The following FDFT1 variants were observed in gnomAD, a reference collection of about 807,000 sequenced individuals.
FDFT1 encodes farnesyl-diphosphate farnesyltransferase 1, also known as squalene synthase.
A neutral mutation model predicts 46.8 loss-of-function variants in FDFT1; 68 were observed. That is an observed-to-expected ratio of 1.45 (90% CI 1.19 to 1.78). FDFT1 has a LOEUF of 1.78. FDFT1 is among the 40% of genes most tolerant of loss of function. The pLI is 0.00. For synonymous variants in FDFT1, 351 were observed against 185.1 expected (o/e 1.90, Z -7.28); for missense variants, 928 against 524.4 (o/e 1.77, Z -7.52).
intron 7 of FDFT1, among the ~76,000 whole-genome samples, chr8:11,835,949 T>G (rs1435598471): frequency 7.9e-6 from 1 of 126,990 alleles, no homozygotes; most frequent in African/African-American, 2.9e-5. Context: ...GCCTGACTTA[T>G]GTGATGAAAC....
At chr8:11,821,642 A>C in intron 3 of FDFT1, 108 bp from the exon 4 acceptor site, 1 of 1,308,732 alleles carries the variant, frequency 7.6e-7, no homozygotes. Flanking sequence ...AGGCTTATAG[A>C]TGAACCATTG....
intron 5 of FDFT1, among the ~76,000 whole-genome samples, chr8:11,827,035 C>G (rs952791569): frequency 7.9e-5 from 12 of 152,214 alleles, no homozygotes; most frequent in African/African-American, 2.7e-4. Context: ...TTAATTAAAA[C>G]ATGGACAGGG....
chr8:11,814,317 T>G (rs79170406), intron 3 of FDFT1, among the ~76,000 whole-genome samples: 12 of 151,278 alleles, frequency 7.9e-5, no homozygotes, highest in South Asian at 4.2e-4. Flanking sequence ...TTTTTTTTTT[T>G]GGAGGGACAT....
At chr8:11,821,602 C>G in intron 3 of FDFT1, 148 bp from the exon 4 acceptor site, 2 of 944,394 alleles carry the variant, frequency 2.1e-6, no homozygotes, top group Non-Finnish European at 3.1e-6. Flanking sequence ...AAAACAAAAA[C>G]AAAAACAAAA....
At chr8:11,820,373 C>G (rs568769475) in intron 3 of FDFT1, among the ~76,000 whole-genome samples, 22 of 152,330 alleles carry the variant, frequency 1.4e-4, no homozygotes, top group Admixed American at 2.6e-4. Flanking sequence ...AACCACTGCT[C>G]TCTTCAGAGC....
At chr8:11,834,377 G>C (rs1005158475) in intron 7 of FDFT1, among the ~76,000 whole-genome samples, 2 of 152,184 alleles carry the variant, frequency 1.3e-5, no homozygotes, top group Non-Finnish European at 2.9e-5. Context: ...CAGCCAAACG[G>C]CCAGAAACCC....
intron 3 of FDFT1, among the ~76,000 whole-genome samples, chr8:11,814,578 T>G (rs1808182588): frequency 6.6e-6 from 1 of 152,204 alleles, no homozygotes; most frequent in Non-Finnish European, 1.5e-5. Flanking sequence ...TGTTTTTGTA[T>G]TGTATTTTGC....
chr8:11,809,445 C>G (rs1198771466), intron 2 of FDFT1: 6 of 1,273,218 alleles, frequency 4.7e-6, no homozygotes, highest in Non-Finnish European at 5.9e-6. Context: ...TGGTGACATT[C>G]AACTAGTAGG....
At chr8:11,817,802 A>G (rs1280416012) in intron 3 of FDFT1, among the ~76,000 whole-genome samples, 1 of 148,266 alleles carries the variant, frequency 6.7e-6, no homozygotes, top group African/African-American at 2.5e-5. Context: ...TTTTCAAAAA[A>G]CCAGCTCCTG....
chr8:11,836,484 C>T (rs906722453), intron 7 of FDFT1, among the ~76,000 whole-genome samples: 2 of 152,234 alleles, frequency 1.3e-5, no homozygotes, highest in Non-Finnish European at 2.9e-5. Context: ...CCTCTCTGCT[C>T]CTCAGGGCCA....
upstream of FDFT1, among the ~76,000 whole-genome samples, chr8:11,800,846 T>C (rs189553647): frequency 3.2e-4 from 49 of 152,346 alleles, no homozygotes; most frequent in African/African-American, 1.2e-3. Context: ...TATACCGTCA[T>C]GGCTGGAAAC....
intron 3 of FDFT1, among the ~76,000 whole-genome samples, chr8:11,820,166 G>A (rs1440419971): frequency 1.3e-5 from 2 of 152,196 alleles, no homozygotes; most frequent in African/African-American, 2.4e-5. Flanking sequence ...GGTATCACCA[G>A]TGGAGGCTGC....
upstream of FDFT1, among the ~76,000 whole-genome samples, chr8:11,799,742 T>C (rs1326269374): frequency 4.6e-5 from 7 of 151,184 alleles, no homozygotes; most frequent in African/African-American, 9.7e-5. Flanking sequence ...GGTCAAGAGA[T>C]TGAGACCATC....
chr8:11,814,384 T>C (rs1808157556), intron 3 of FDFT1, among the ~76,000 whole-genome samples: 1 of 151,764 alleles, frequency 6.6e-6, no homozygotes, highest in South Asian at 2.1e-4. Flanking sequence ...ATTCCTGGTA[T>C]GTTGCAATCA....
chr8:11,803,571 G>C, intron 1 of FDFT1: 1 of 921,628 alleles, frequency 1.1e-6, no homozygotes, highest in Non-Finnish European at 1.4e-6. Context: ...TGTACTATTT[G>C]TTTAATGAAT....
intron 7 of FDFT1, among the ~76,000 whole-genome samples, chr8:11,835,193 C>T (rs1015457531): frequency 9.2e-5 from 14 of 152,316 alleles, no homozygotes; most frequent in Middle Eastern, 3.4e-3. Context: ...ATGACCTGTC[C>T]TTGACAAGCA....
chr8:11,822,809 C>G (rs778650125), intron 4 of FDFT1, among the ~76,000 whole-genome samples: 2 of 152,034 alleles, frequency 1.3e-5, no homozygotes, highest in Admixed American at 6.6e-5. Flanking sequence ...GAGCAAGACA[C>G]CATCTGAAAG....
chr8:11,827,306 TCTG>T (rs1331172220), intron 5 of FDFT1, among the ~76,000 whole-genome samples: 1 of 152,056 alleles, frequency 6.6e-6, no homozygotes, highest in East Asian at 1.9e-4. Flanking sequence ...AGAAAATGAT[TCTG>T]CTGAAAGAGC....
At chr8:11,808,702 TGCCCCA>T (rs1764164438) in intron 1 of FDFT1, 86 bp from the exon 2 acceptor site, 1 of 1,436,952 alleles carries the variant, frequency 7.0e-7, no homozygotes, top group Admixed American at 2.5e-5. Context: ...TGGAGCCGCC[TGCCCCA>T]GTCCCACTCC....
Sources: gnomAD v4.1 joint callset for allele counts (sites outside exome capture counted in the v4.1 genomes callset) on GRCh38, gnomAD v4.1.1 for gene constraint, MANE v1.5 for transcripts, NCBI Gene and HGNC (gene_info 2026-07-23, HGNC 2026-07-21) for gene names.